The following FIP1L1 variants were observed in gnomAD, a reference collection of about 807,000 sequenced individuals.
The protein encoded by FIP1L1 is factor interacting with PAPOLA and CPSF1, also known as pre-mRNA 3'-end-processing factor FIP1.
A neutral mutation model predicts 84.6 loss-of-function variants in FIP1L1; 21 were observed. The observed-to-expected ratio is 0.25, with a 90% confidence interval of 0.18 to 0.36. The LOEUF is 0.36. Among genes scored for constraint, FIP1L1 ranks in the 10% least tolerant of loss-of-function variants. The pLI, the probability that FIP1L1 is intolerant of heterozygous loss-of-function variation, is 1.00. For missense variants in FIP1L1, 526 were observed against 751.1 expected (o/e 0.70, Z 3.50); for synonymous variants, 263 against 242.3 (o/e 1.09, Z -0.80).
At chr4:53,424,004 AT>A (rs956045046) in intron 11 of FIP1L1, among the ~76,000 whole-genome samples, 12 of 152,286 alleles carry the variant, frequency 7.9e-5, no homozygotes, top group African/African-American at 2.9e-4. Context: ...TCTAGATCTA[AT>A]TTTTACCACT....
intron 9 of FIP1L1, among the ~76,000 whole-genome samples, chr4:53,393,764 G>GCTCCCCCCCCC (rs1745637529): frequency 1.1e-5 from 1 of 87,950 alleles, no homozygotes; most frequent in Non-Finnish European, 2.2e-5. Flanking sequence ...TTTCCCCCCG[G>GCTCCCCCCCCC]CCCCCCCCCC....
chr4:53,417,759 ACACACTCTCTCTCTCTCTCTCTCT>A (rs796997573), intron 11 of FIP1L1, among the ~76,000 whole-genome samples: 2,885 of 54,148 alleles, frequency 0.053, 120 homozygotes, highest in Middle Eastern at 0.12. Context: ...ACACACACAC[ACACACTCTCTCTCTCTCTCTCTCT>A]CTCTCTCTCT....
chr4:53,453,154 T>A (rs1336183874), intron 16 of FIP1L1, 21 bp downstream of exon 16: 4 of 1,611,936 alleles, frequency 2.5e-6, no homozygotes, highest in Non-Finnish European at 3.4e-6. Flanking sequence ...TGTGCAGGAG[T>A]TTATACTATG....
intron 1 of FIP1L1, chr4:53,378,153 G>GT (rs1735668175): frequency 2.4e-6 from 1 of 422,886 alleles, no homozygotes; most frequent in Non-Finnish European, 4.2e-6. Context: ...GCCGGGCCGG[G>GT]CTGGGGGGCT....
chr4:53,405,673 T>C (rs1290753673), intron 10 of FIP1L1, among the ~76,000 whole-genome samples: 2 of 145,526 alleles, frequency 1.4e-5, no homozygotes, highest in Non-Finnish European at 3.0e-5. Flanking sequence ...TTGTGTCCTC[T>C]TTTATTTCCT....
At chr4:53,401,569 C>T (rs1750283182) in intron 10 of FIP1L1, among the ~76,000 whole-genome samples, 1 of 152,074 alleles carries the variant, frequency 6.6e-6, no homozygotes, top group Non-Finnish European at 1.5e-5. Flanking sequence ...AGTCAGATAC[C>T]AGTTATATTT....
chr4:53,387,529 A>C (rs773500960), intron 5 of FIP1L1, among the ~76,000 whole-genome samples: 6 of 152,230 alleles, frequency 3.9e-5, no homozygotes, highest in Admixed American at 2.0e-4. Context: ...ATAGGGATCT[A>C]TTGGACATTA....
At chr4:53,409,695 C>T (rs912863271) in intron 10 of FIP1L1, among the ~76,000 whole-genome samples, 7 of 152,352 alleles carry the variant, frequency 4.6e-5, no homozygotes, top group East Asian at 3.9e-4. Context: ...TGGGCAATGG[C>T]GGGCGCCCCT....
intron 10 of FIP1L1, among the ~76,000 whole-genome samples, chr4:53,406,816 T>G (rs1033597443): frequency 6.6e-6 from 1 of 152,252 alleles, no homozygotes; most frequent in African/African-American, 2.4e-5. Context: ...TGTAGTATTC[T>G]CTCATGGTAA....
chr4:53,397,802 C>A (rs1748195689), intron 9 of FIP1L1, among the ~76,000 whole-genome samples: 1 of 151,956 alleles, frequency 6.6e-6, no homozygotes, highest in Non-Finnish European at 1.5e-5. Flanking sequence ...TCTTTTTTTC[C>A]TTGAGCAGCT....
At chr4:53,383,655 C>G in intron 4 of FIP1L1, 118 bp from the exon 5 acceptor site, 5 of 977,080 alleles carry the variant, frequency 5.1e-6, no homozygotes, top group Non-Finnish European at 7.2e-6. Flanking sequence ...AAGTGAGAGT[C>G]TGTCTCAAGA....
In FIP1L1 at chr4:53,453,120, A is replaced by G. The variant is rs774069328; in HGVS notation, c.1486A>G (p.Ser496Gly). The G allele has an allele frequency of 6.2e-7, 1 of 1,614,022 alleles. No homozygotes were observed. The highest frequency in any genetic ancestry group is 8.5e-7 in the Non-Finnish European group (1 of 1,179,958). ...ERERDHSPTP[S>G]VFNSDEERYR... ...GGAGCGTGATCACAGTCCTACACCA[A>G]GTGTTTTCAACAGGTTTGTTGGGTG... The change falls in exon 16 of 18, where the codon AGT (serine) becomes GGT (glycine). Residue 496 changes from serine (S) to glycine (G), a missense_variant. This residue lies in a region of FIP1L1 where 89 missense variants were observed against 169.0 expected (regional missense o/e 0.53). Coordinates refer to ENST00000337488, the MANE Select transcript of FIP1L1 (RefSeq NM_030917.4).
intron 11 of FIP1L1, among the ~76,000 whole-genome samples, chr4:53,418,342 A>T (rs892343807): frequency 3.3e-5 from 5 of 152,224 alleles, no homozygotes; most frequent in African/African-American, 1.2e-4. Context: ...GCCTTATCAT[A>T]TGCTAGTTAC....
At chr4:53,419,645 C>T (rs1347027166) in intron 11 of FIP1L1, among the ~76,000 whole-genome samples, 1 of 152,042 alleles carries the variant, frequency 6.6e-6, no homozygotes, top group Non-Finnish European at 1.5e-5. Context: ...CACTATGTTG[C>T]TCAGGCTGAT....
At chr4:53,441,441 A>G (rs1258514444) in intron 13 of FIP1L1, among the ~76,000 whole-genome samples, 3 of 151,970 alleles carry the variant, frequency 2.0e-5, no homozygotes, top group Non-Finnish European at 4.4e-5. Flanking sequence ...GGGAAAGTCA[A>G]AGGAATCATT....
chr4:53,386,601 T>C (rs890511658), intron 5 of FIP1L1, among the ~76,000 whole-genome samples: 1 of 152,180 alleles, frequency 6.6e-6, no homozygotes, highest in Non-Finnish European at 1.5e-5. Flanking sequence ...TTTGAACTTG[T>C]TTGAATAATT....
chr4:53,380,712 C>T (rs1489967885), intron 3 of FIP1L1, among the ~76,000 whole-genome samples: 3 of 152,136 alleles, frequency 2.0e-5, no homozygotes, highest in Admixed American at 2.0e-4. Flanking sequence ...AATGTTATTT[C>T]ATTTTAAAAT....
chr4:53,384,526 G>A (rs1270718783), intron 5 of FIP1L1, among the ~76,000 whole-genome samples: 1 of 152,074 alleles, frequency 6.6e-6, no homozygotes, highest in Non-Finnish European at 1.5e-5. Context: ...CTGAGTTTAG[G>A]TTTTTAATTT....
intron 3 of FIP1L1, 45 bp from the exon 4 acceptor site, chr4:53,382,233 C>G (rs113304970): frequency 2.1e-6 from 3 of 1,402,032 alleles, no homozygotes; most frequent in South Asian, 1.2e-5. Flanking sequence ...TCTGTACTTC[C>G]GAAAAGTAAT....
Sources: allele counts gnomAD v4.1 joint callset (sites outside exome capture counted in the v4.1 genomes callset), GRCh38; gene constraint gnomAD v4.1.1; regional missense constraint gnomAD v4.1.1; transcripts MANE v1.5; gene names NCBI Gene and HGNC (gene_info 2026-07-23, HGNC 2026-07-21).